The following WWOX variants were observed in gnomAD, a reference collection of about 807,000 sequenced individuals.
WWOX encodes the protein WW domain containing oxidoreductase.
In WWOX, 69 loss-of-function variants were observed where a neutral mutation model predicts 46.2. That is an observed-to-expected ratio of 1.49 (90% CI 1.23 to 1.82). The LOEUF is 1.82. WWOX is among the 40% of genes most tolerant of loss of function. The probability of loss-of-function intolerance (pLI) is 0.00; values close to 1 mark genes in which losing one functional copy is unlikely to be tolerated. For missense variants in WWOX, 919 were observed against 542.6 expected (o/e 1.69, Z -6.89); for synonymous variants, 359 against 202.6 (o/e 1.77, Z -6.56).
chr16:78,827,030 A>G (rs570515808), intron 8 of WWOX, among the ~76,000 whole-genome samples: 1 of 152,038 alleles, frequency 6.6e-6, no homozygotes, highest in South Asian at 2.1e-4. Context: ...TCCTGCCCCC[A>G]CATGTTATAG....
intron 8 of WWOX, among the ~76,000 whole-genome samples, chr16:78,827,075 G>C (rs754255303): frequency 6.6e-6 from 1 of 152,102 alleles, no homozygotes; most frequent in Non-Finnish European, 1.5e-5. Context: ...TTGATCCCTG[G>C]TTTCTCTGGT....
intron 8 of WWOX, among the ~76,000 whole-genome samples, chr16:79,088,018 C>G (rs2048885187): frequency 6.6e-6 from 1 of 152,160 alleles, no homozygotes; most frequent in Non-Finnish European, 1.5e-5. Flanking sequence ...GCTTATTCAT[C>G]ACTTTTGCTT....
At chr16:78,121,411 G>A (rs899087616) in intron 4 of WWOX, among the ~76,000 whole-genome samples, 5 of 152,228 alleles carry the variant, frequency 3.3e-5, no homozygotes. Context: ...TTGAGAATTA[G>A]TACCTTATGA....
chr16:78,601,466 A>G (rs1223772323), intron 8 of WWOX, among the ~76,000 whole-genome samples: 2 of 152,030 alleles, frequency 1.3e-5, no homozygotes, highest in African/African-American at 4.8e-5. Flanking sequence ...AAGGAAAAAA[A>G]CCAGAAAGGA....
At chr16:79,009,742 C>T (rs2047265696) in intron 8 of WWOX, among the ~76,000 whole-genome samples, 1 of 152,130 alleles carries the variant, frequency 6.6e-6, no homozygotes, top group South Asian at 2.1e-4. Context: ...TGAGCCACCG[C>T]TCCTGGCACC....
chr16:78,849,711 T>G (rs2052393792), intron 8 of WWOX, among the ~76,000 whole-genome samples: 1 of 152,152 alleles, frequency 6.6e-6, no homozygotes, highest in Non-Finnish European at 1.5e-5. Flanking sequence ...ATTTCTAATC[T>G]TGATGCAGTG....
chr16:78,964,216 C>T (rs114460399), intron 8 of WWOX, among the ~76,000 whole-genome samples: 2,267 of 152,134 alleles, frequency 0.015, 58 homozygotes, highest in African/African-American at 0.051. Flanking sequence ...AAGTTAGAAC[C>T]GTTGGGAGGT....
At chr16:79,075,673 C>G (rs1443358418) in intron 8 of WWOX, among the ~76,000 whole-genome samples, 1 of 151,968 alleles carries the variant, frequency 6.6e-6, no homozygotes, top group Non-Finnish European at 1.5e-5. Context: ...CTGCCTTAGC[C>G]TCCTGAGTAG....
intron 8 of WWOX, among the ~76,000 whole-genome samples, chr16:78,800,857 G>A (rs2050867619): frequency 6.6e-6 from 1 of 152,100 alleles, no homozygotes; most frequent in Admixed American, 6.6e-5. Flanking sequence ...ATTGTGGTCA[G>A]TCAACACTCA....
chr16:78,823,858 C>G lies in WWOX; in HGVS notation c.1057-387750C>G, dbSNP rs2051575000. Among the ~76,000 whole-genome samples, 3 of 152,066 alleles carry G rather than the reference C, an allele frequency of 2.0e-5. No homozygotes were observed. The South Asian group carries it at 6.3e-4, about 32-fold the overall frequency. ...TGGTATGATCATAGCTCACTACAAC[C>G]TCCAATGCCTGGGTTTAAGTGATCC... On this transcript the variant is annotated intron_variant, in intron 8 of 8. Coordinates refer to ENST00000566780, the MANE Select transcript of WWOX (RefSeq NM_016373.4).
intron 8 of WWOX, among the ~76,000 whole-genome samples, chr16:78,665,484 T>C (rs1040544920): frequency 2.0e-5 from 3 of 152,000 alleles, no homozygotes; most frequent in Non-Finnish European, 4.4e-5. Context: ...CTGTGGCGAG[T>C]GGAATCTGGG....
At chr16:78,707,606 A>G (rs2048351500) in intron 8 of WWOX, among the ~76,000 whole-genome samples, 1 of 152,096 alleles carries the variant, frequency 6.6e-6, no homozygotes, top group African/African-American at 2.4e-5. Flanking sequence ...TTTAAGGCCC[A>G]GCATGGTGTC....
At chr16:79,060,139 T>C (rs1178797239) in intron 8 of WWOX, among the ~76,000 whole-genome samples, 2 of 152,218 alleles carry the variant, frequency 1.3e-5, no homozygotes, top group African/African-American at 4.8e-5. Context: ...TGTCCTCACC[T>C]ATACTTGGGC....
chr16:78,344,094 C>G (rs2081058644), intron 5 of WWOX, among the ~76,000 whole-genome samples: 1 of 118,680 alleles, frequency 8.4e-6, no homozygotes, highest in South Asian at 2.6e-4. Context: ...TCACCACGGT[C>G]AGGTATATCA....
intron 8 of WWOX, among the ~76,000 whole-genome samples, chr16:78,643,072 G>C (rs1306207082): frequency 6.6e-6 from 1 of 152,088 alleles, no homozygotes; most frequent in Non-Finnish European, 1.5e-5. Context: ...ACCCCAACTA[G>C]ATAAGCCAAG....
chr16:78,162,576 C>G (rs954649372), intron 4 of WWOX, among the ~76,000 whole-genome samples: 1 of 151,948 alleles, frequency 6.6e-6, no homozygotes, highest in Non-Finnish European at 1.5e-5. Flanking sequence ...ATATACATGT[C>G]AACACATACA....
intron 5 of WWOX, among the ~76,000 whole-genome samples, chr16:78,234,250 T>A (rs1167837250): frequency 6.6e-6 from 1 of 152,202 alleles, no homozygotes; most frequent in Non-Finnish European, 1.5e-5. Flanking sequence ...AATGCTCTAA[T>A]CCCTAAATTT....
chr16:78,900,741 G>A (rs763041720), intron 8 of WWOX, among the ~76,000 whole-genome samples: 40 of 151,198 alleles, frequency 2.6e-4, no homozygotes, highest in African/African-American at 8.5e-4. Context: ...AATTCTACTA[G>A]TACCACTTTC....
intron 8 of WWOX, chr16:78,896,831 T>C (rs138616689): frequency 1.3e-5 from 2 of 152,224 alleles, no homozygotes; most frequent in East Asian, 1.9e-4. Flanking sequence ...ATTTACATAA[T>C]TTATGTTCTA....
Sources: allele counts gnomAD v4.1 joint callset (sites outside exome capture counted in the v4.1 genomes callset), GRCh38; gene constraint gnomAD v4.1.1; transcripts MANE v1.5; gene names NCBI Gene and HGNC (gene_info 2026-07-23, HGNC 2026-07-21).